The following DENND2C variants were observed in gnomAD, a reference collection of about 807,000 sequenced individuals.
The protein encoded by DENND2C is DENN domain-containing protein 2C.
A neutral mutation model predicts 112.4 loss-of-function variants in DENND2C; 72 were observed. The ratio of observed to expected loss-of-function variants is 0.64; its 90% CI spans 0.53 to 0.78. The LOEUF (loss-of-function observed/expected upper bound fraction) is 0.78, where lower values mean the gene tolerates loss of function less well. DENND2C is among the 30% of genes least tolerant of loss of function. The probability of loss-of-function intolerance (pLI) is 0.00; values close to 1 mark genes in which losing one functional copy is unlikely to be tolerated. For missense variants in DENND2C, 992 were observed against 1,113.8 expected (o/e 0.89, Z 1.56); for synonymous variants, 329 against 381.6 (o/e 0.86, Z 1.61).
chr1:114,615,347 T>C (rs1435231007), intron 8 of DENND2C, among the ~76,000 whole-genome samples: 1 of 152,170 alleles, frequency 6.6e-6, no homozygotes, highest in Non-Finnish European at 1.5e-5. Flanking sequence ...ATTAAACTGC[T>C]AAAAATCAAG....
At chr1:114,593,950 C>T (rs1287375545) in intron 18 of DENND2C, among the ~76,000 whole-genome samples, 3 of 152,174 alleles carry the variant, frequency 2.0e-5, no homozygotes, top group African/African-American at 7.2e-5. Flanking sequence ...ACAGTATAAA[C>T]ACCCAATAAA....
chr1:114,649,386 T>C (rs1307826888), intron 2 of DENND2C, among the ~76,000 whole-genome samples: 2 of 152,098 alleles, frequency 1.3e-5, no homozygotes, highest in Admixed American at 6.6e-5. Flanking sequence ...AGTGTTTTTG[T>C]TTTGTTTTGT....
chr1:114,591,638 T>C (rs1393874988), intron 18 of DENND2C, among the ~76,000 whole-genome samples: 1 of 152,118 alleles, frequency 6.6e-6, no homozygotes, highest in Non-Finnish European at 1.5e-5. Context: ...CAAATTAACC[T>C]GTCTTTTCCT....
At chr1:114,636,105 G>GTTGCT (rs1656650257) in intron 3 of DENND2C, among the ~76,000 whole-genome samples, 2 of 151,242 alleles carry the variant, frequency 1.3e-5, no homozygotes, top group Middle Eastern at 6.8e-3. Flanking sequence ...AGAATGCAAG[G>GTTGCT]TTGCTTTAAC....
chr1:114,597,553 A>G (rs1655377648), intron 16 of DENND2C, among the ~76,000 whole-genome samples: 1 of 151,726 alleles, frequency 6.6e-6, no homozygotes, highest in Non-Finnish European at 1.5e-5. Context: ...AGGCCGAAGA[A>G]GGCAGATCAC....
intron 11 of DENND2C, among the ~76,000 whole-genome samples, chr1:114,604,011 T>C (rs1212261151): frequency 6.6e-6 from 1 of 152,192 alleles, no homozygotes; most frequent in Non-Finnish European, 1.5e-5. Context: ...AGAATAAACA[T>C]ATATAACTTG....
chr1:114,633,577 G>C (rs1656560680), intron 3 of DENND2C, among the ~76,000 whole-genome samples: 1 of 150,902 alleles, frequency 6.6e-6, no homozygotes, highest in African/African-American at 2.4e-5. Context: ...TGTTAAAGTT[G>C]TGTTATAAAC....
intron 1 of DENND2C, among the ~76,000 whole-genome samples, chr1:114,662,611 C>T (rs373564388): frequency 3.3e-5 from 5 of 151,616 alleles, no homozygotes; most frequent in East Asian, 1.9e-4. Flanking sequence ...TCTGTTTTCA[C>T]GCCACTAACC....
In DENND2C at chr1:114,584,482, G is replaced by T. The variant is rs1654988886; in HGVS notation, c.*1118C>A. 1 of 152,002 alleles carries T rather than the reference G, an allele frequency of 6.6e-6. No homozygotes were observed. Among genetic ancestry groups the T allele is most frequent in the Admixed American group, 6.6e-5 (1 of 15,238 alleles). The allele number at this position is 152,002 out of a possible 1,614,324, so 9.4% of individuals were successfully genotyped here. A position where few individuals can be genotyped will look rare whatever the true frequency, so the allele number is the denominator to read the frequency against. ...AGTAGAGACAGAGTTTCACCATGTT[G>T]CCAGGCTGGTCTCGAACTCCTGACC... On this transcript the variant is annotated 3_prime_UTR_variant, in exon 21 of 21. Coordinates refer to ENST00000393274, the MANE Select transcript of DENND2C (RefSeq NM_001256404.2).
At chr1:114,624,188 T>C (rs1055740420) in intron 4 of DENND2C, among the ~76,000 whole-genome samples, 3 of 152,238 alleles carry the variant, frequency 2.0e-5, no homozygotes, top group Non-Finnish European at 4.4e-5. Flanking sequence ...ATGTTCTTCA[T>C]TGGGTTCCTT....
At chr1:114,666,397 A>T (rs1274620682) in intron 1 of DENND2C, among the ~76,000 whole-genome samples, 1 of 152,214 alleles carries the variant, frequency 6.6e-6, no homozygotes, top group Non-Finnish European at 1.5e-5. Flanking sequence ...CAAAGTCCTT[A>T]GCACGATACT....
Position 114,633,439 on chromosome 1 carries a change from C to CAAAAAAAAAAA in DENND2C, c.-204-7262_-204-7252dup, listed in dbSNP as rs780884019. Among the ~76,000 whole-genome samples the CAAAAAAAAAAA allele has an allele frequency of 4.1e-4, 20 of 49,172 alleles. 1 individual carries two copies. Among genetic ancestry groups the CAAAAAAAAAAA allele is most frequent in the African/African-American group, 5.4e-4 (8 of 14,910 alleles). 32.3% of individuals were successfully genotyped at this position (49,172 alleles called of 152,430 possible). ...TGGGCAACAGAGTGAGACCCTATCT[C>CAAAAAAAAAAA]AAAAAAAAAAAAAAAAAAAAAAAGA... On this transcript the variant is annotated intron_variant, in intron 3 of 20. Coordinates refer to ENST00000393274, the MANE Select transcript of DENND2C (RefSeq NM_001256404.2).
Position 114,626,104 on chromosome 1 carries a change from G to T in DENND2C, c.-120C>A. ...AATGATTCCAGTATTTTCCCTTCAT[G>T]TTTAACTTGTAAATCTCTTTGTAAA... On this transcript the variant is annotated 5_prime_UTR_variant, in exon 4 of 21. Transcript: ENST00000393274. 1 of 1,071,734 alleles carries T rather than the reference G, an allele frequency of 9.3e-7. No homozygotes were observed. The allele number at this position is 1,071,734 out of a possible 1,614,324, so 66.4% of individuals were successfully genotyped here.
chr1:114,665,469 AT>A (rs1657622847), intron 1 of DENND2C, among the ~76,000 whole-genome samples: 1 of 152,098 alleles, frequency 6.6e-6, no homozygotes, highest in African/African-American at 2.4e-5. Context: ...TAAATTAACA[AT>A]TTTTCAACTT....
At chr1:114,590,349 C>T (rs1026929062) in intron 18 of DENND2C, among the ~76,000 whole-genome samples, 1 of 152,152 alleles carries the variant, frequency 6.6e-6, no homozygotes, top group Admixed American at 6.5e-5. Flanking sequence ...ATGATCACAA[C>T]ACTTGCACTC....
rs1351203026 is a variant in DENND2C at position 114,600,277 on chromosome 1, C to A, written c.2032G>T (p.Val678Leu). ...DFKCLFKCLS[V>L]CHLIRVCASL... ...GCACAGACCCGGATGAGATGACACA[C>A]ACTCAGGCACTTAAAGAGACATTTA... The change falls in exon 15 of 21, where the codon GTG becomes TTG. Residue 678 changes from valine (V) to leucine (L), a missense_variant. Physicochemically the swap from Val to Leu is conservative, Grantham distance 32. Coordinates refer to ENST00000393274, the MANE Select transcript of DENND2C (RefSeq NM_001256404.2). 2 of 1,614,112 alleles carry A rather than the reference C, an allele frequency of 1.2e-6. No homozygotes were observed. The highest frequency in any genetic ancestry group is 1.3e-5 in the African/African-American group (1 of 75,032).
chr1:114,628,212 T>A (rs1286400399), intron 3 of DENND2C, among the ~76,000 whole-genome samples: 1 of 150,930 alleles, frequency 6.6e-6, no homozygotes, highest in Non-Finnish European at 1.5e-5. Flanking sequence ...AGCTACAAGC[T>A]GGGAGGCTGA....
intron 16 of DENND2C, among the ~76,000 whole-genome samples, chr1:114,598,154 T>C (rs1655394240): frequency 6.6e-6 from 1 of 152,222 alleles, no homozygotes; most frequent in Non-Finnish European, 1.5e-5. Context: ...TGCATGTGTG[T>C]ATGCACTGAG....
Position 114,587,937 on chromosome 1 carries a change from G to A in DENND2C, c.2447C>T (p.Ser816Phe). 1.9e-6 allele frequency: 3 copies of A among 1,614,062 alleles called. No individual in the cohort carries two copies. The highest frequency in any genetic ancestry group is 2.5e-6 in the Non-Finnish European group (3 of 1,180,016). The change falls in exon 19 of 21, where the codon TCT becomes TTT. Residue 816 changes from serine (S) to phenylalanine (F), a missense_variant. Ser to Phe is a radical substitution (Grantham distance 155). Transcript: ENST00000393274. The part of the protein sequence containing the change: ...QNFSQDVTLN[S>F]LVSEAFVRFF... ...CCTGACAAATGCTTCGGACACCAGA[G>A]AGTTGAGTGTCACATCTGCTGCAAC...
Sources: gnomAD v4.1 joint callset for allele counts (sites outside exome capture counted in the v4.1 genomes callset) on GRCh38, gnomAD v4.1.1 for gene constraint, MANE v1.5 for transcripts, NCBI Gene and HGNC (gene_info 2026-07-23, HGNC 2026-07-21) for gene names.